DPY19L4: variants seen among roughly 807,000 people sequenced by gnomAD.
DPY19L4 encodes the protein dpy-19 like 4.
Under a neutral mutation model 102.8 loss-of-function variants are expected in DPY19L4, and 97 were observed. That is an observed-to-expected ratio of 0.94 (90% CI 0.80 to 1.12). DPY19L4 has a LOEUF of 1.12. Among genes scored for constraint, DPY19L4 ranks in the 50% most tolerant of loss-of-function variants. DPY19L4 has a pLI of 0.00. For missense variants in DPY19L4, 815 were observed against 850.4 expected (o/e 0.96, Z 0.52); for synonymous variants, 252 against 283.1 (o/e 0.89, Z 1.10).
chr8:94,771,275 A>G (rs1812924011), intron 13 of DPY19L4, among the ~76,000 whole-genome samples: 2 of 152,234 alleles, frequency 1.3e-5, no homozygotes, highest in Non-Finnish European at 2.9e-5. Context: ...ATAAAACTTC[A>G]TAAAAACTCA....
chr8:94,783,573 C>T, intron 16 of DPY19L4, 97 bp from the exon 17 acceptor site: 1 of 1,431,534 alleles, frequency 7.0e-7, no homozygotes, highest in South Asian at 1.5e-5. Flanking sequence ...AATGTGTAAA[C>T]ATTGTAAGTT....
chr8:94,721,225 C>T (rs1323369497), intron 1 of DPY19L4, among the ~76,000 whole-genome samples: 1 of 152,194 alleles, frequency 6.6e-6, no homozygotes, highest in Non-Finnish European at 1.5e-5. Flanking sequence ...GGATTACAGG[C>T]GTGAGCCACG....
At chr8:94,764,885 T>A (rs1034031687) in intron 8 of DPY19L4, among the ~76,000 whole-genome samples, 3 of 149,988 alleles carry the variant, frequency 2.0e-5, no homozygotes, top group Admixed American at 6.7e-5. Flanking sequence ...CCTGCCACCA[T>A]GCCCAGCTAA....
chr8:94,769,483 C>A (rs1399658724), intron 12 of DPY19L4, among the ~76,000 whole-genome samples: 1 of 152,096 alleles, frequency 6.6e-6, no homozygotes, highest in Non-Finnish European at 1.5e-5. Flanking sequence ...CTAATTTATA[C>A]AAATTTTTAC....
In DPY19L4 at chr8:94,770,529, T is replaced by C; in HGVS notation, c.1412T>C (p.Ile471Thr). 1 of 1,613,842 alleles carries C rather than the reference T, an allele frequency of 6.2e-7. No individual in the cohort carries two copies. Among genetic ancestry groups the C allele is most frequent in the Non-Finnish European group, 8.5e-7 (1 of 1,179,880 alleles). The change falls in exon 13 of 19, where the codon ATT (isoleucine) becomes ACT (threonine). Residue 471 changes from isoleucine to threonine, a missense_variant. Transcript: ENST00000414645. ...GERPEIIYHVIHTILLGSLAM... is the reference protein window; with the variant it reads ...GERPEIIYHVTHTILLGSLAM... ...AGACCAGAAATAATTTATCATGTAA[T>C]TCACACTATTTTATTGGGTTCTCTT...
intron 6 of DPY19L4, among the ~76,000 whole-genome samples, chr8:94,747,005 TACAA>T (rs1478028430): frequency 6.7e-6 from 1 of 148,842 alleles, no homozygotes; most frequent in African/African-American, 2.4e-5. Context: ...GTTAGTCTAC[TACAA>T]ACAATTTTTT....
At chr8:94,744,257 TC>T (rs1811572761) in intron 6 of DPY19L4, 1 of 428,794 alleles carries the variant, frequency 2.3e-6, no homozygotes. Context: ...CCAAGCTCAC[TC>T]ATGTGGCCAT....
chr8:94,761,634 C>T, intron 7 of DPY19L4, 66 bp from the exon 8 acceptor site: 3 of 1,354,766 alleles, frequency 2.2e-6, no homozygotes, highest in Non-Finnish European at 2.9e-6. Context: ...TTTGAGGTAA[C>T]AGTCTCATAG....
intron 6 of DPY19L4, among the ~76,000 whole-genome samples, chr8:94,742,019 A>G (rs1211060700): frequency 1.3e-5 from 2 of 152,214 alleles, no homozygotes; most frequent in Non-Finnish European, 2.9e-5. Flanking sequence ...TTATTTTTAG[A>G]AAGACAGAAA....
intron 6 of DPY19L4, among the ~76,000 whole-genome samples, chr8:94,743,014 T>C (rs535510419): frequency 4.0e-5 from 6 of 151,440 alleles, no homozygotes; most frequent in African/African-American, 1.2e-4. Context: ...CAAAAGTCTT[T>C]TATTTTATTT....
intron 6 of DPY19L4, among the ~76,000 whole-genome samples, chr8:94,751,081 T>G (rs1176374736): frequency 6.7e-6 from 1 of 148,502 alleles, no homozygotes; most frequent in Non-Finnish European, 1.5e-5. Flanking sequence ...AAGCCCAGTC[T>G]CCAAAATTTC....
chr8:94,725,048 G>A (rs1810630142), intron 1 of DPY19L4, among the ~76,000 whole-genome samples: 1 of 151,860 alleles, frequency 6.6e-6, no homozygotes, highest in South Asian at 2.1e-4. Flanking sequence ...AGATATTTTA[G>A]TGAACATACA....
intron 8 of DPY19L4, 111 bp downstream of exon 8, chr8:94,761,945 C>A: frequency 2.7e-6 from 3 of 1,094,034 alleles, no homozygotes; most frequent in Non-Finnish European, 3.7e-6. Flanking sequence ...AACCCCGATG[C>A]ATACAATATT....
chr8:94,726,179 C>A, intron 1 of DPY19L4, 152 bp from the exon 2 acceptor site: 1 of 485,762 alleles, frequency 2.1e-6, no homozygotes, highest in Non-Finnish European at 3.5e-6. Flanking sequence ...GATAATTTTG[C>A]AGGGGTGCCA....
chr8:94,786,396 A>T (rs1813652910), intron 17 of DPY19L4, among the ~76,000 whole-genome samples: 1 of 151,834 alleles, frequency 6.6e-6, no homozygotes, highest in Non-Finnish European at 1.5e-5. Flanking sequence ...AAGTGCTAGG[A>T]TTACAGGAGT....
At chr8:94,761,561 G>T in intron 7 of DPY19L4, 139 bp from the exon 8 acceptor site, 1 of 762,008 alleles carries the variant, frequency 1.3e-6, no homozygotes, top group Non-Finnish European at 1.8e-6. Flanking sequence ...ATAATTATGT[G>T]ATTTAAAAAC....
Position 94,789,843 on chromosome 8 carries a change from C to T in DPY19L4, c.2105C>T (p.Thr702Ile), listed in dbSNP as rs1414761801. 1 of 1,610,774 alleles carries T rather than the reference C, an allele frequency of 6.2e-7. No homozygotes were observed. The highest frequency in any genetic ancestry group is 1.3e-5 in the African/African-American group (1 of 74,854). The change falls in exon 19 of 19, where the codon ACT becomes ATT. Residue 702 changes from threonine to isoleucine, a missense_variant. Physicochemically the swap from Thr to Ile is moderately conservative, Grantham distance 89. Coordinates refer to ENST00000414645, the MANE Select transcript of DPY19L4 (RefSeq NM_181787.3). ...TATTCTCCATATGTGAATTATTTCA[C>T]TAGAGTATACTGGAACAGATCCTAC... ...INYSPYVNYF[T>I]RVYWNRSYFV...
chr8:94,721,657 G>A (rs921521467), intron 1 of DPY19L4, among the ~76,000 whole-genome samples: 4 of 152,130 alleles, frequency 2.6e-5, no homozygotes, highest in African/African-American at 9.7e-5. Flanking sequence ...CATTAAAAAA[G>A]TTAAGACTGC....
At chr8:94,733,978 A>T (rs1418446577) in intron 2 of DPY19L4, among the ~76,000 whole-genome samples, 1 of 152,138 alleles carries the variant, frequency 6.6e-6, no homozygotes, top group East Asian at 1.9e-4. Context: ...GTTACAATTA[A>T]TGAAGCAATA....
Sources: gnomAD v4.1 joint callset for allele counts (sites outside exome capture counted in the v4.1 genomes callset) on GRCh38, gnomAD v4.1.1 for gene constraint, MANE v1.5 for transcripts, NCBI Gene and HGNC (gene_info 2026-07-23, HGNC 2026-07-21) for gene names.